Variants in LDB2 observed in about 807,000 individuals in gnomAD.
LDB2 encodes the protein LIM domain binding 2.
LDB2 carries 12 observed loss-of-function variants against 44.3 expected under a neutral mutation model. That is an observed-to-expected ratio of 0.27 (90% CI 0.17 to 0.44). The LOEUF (loss-of-function observed/expected upper bound fraction) is 0.44. LDB2 is among the 20% of genes least tolerant of loss of function. The pLI, the probability that LDB2 is intolerant of heterozygous loss-of-function variation, is 1.00. For missense variants in LDB2, 344 were observed against 473.5 expected (o/e 0.73, Z 2.54); for synonymous variants, 164 against 174.8 (o/e 0.94, Z 0.49).
chr4:16,706,623 G>C (rs1192177798), intron 2 of LDB2, among the ~76,000 whole-genome samples: 2 of 152,200 alleles, frequency 1.3e-5, no homozygotes, highest in African/African-American at 4.8e-5. Flanking sequence ...CAATTCCATA[G>C]ACATCAGAAG....
chr4:16,563,429 ATTTTTTTTTTTTTTTTTTTTTTTT>A (rs1169491759), intron 5 of LDB2, among the ~76,000 whole-genome samples: 1 of 46,534 alleles, frequency 2.1e-5, no homozygotes, highest in African/African-American at 8.7e-5. Context: ...CAGTCATCAG[ATTTTTTTTTTTTTTTTTTTTTTTT>A]TTTTTTTTTT....
At chr4:16,686,628 T>C (rs1353940585) in intron 2 of LDB2, among the ~76,000 whole-genome samples, 1 of 152,202 alleles carries the variant, frequency 6.6e-6, no homozygotes, top group Non-Finnish European at 1.5e-5. Context: ...AGAAGATGAA[T>C]AAGGCAGAGA....
At position 16,550,174 on chromosome 4, in the gene LDB2, T is replaced by C. The variant is rs139915601; in HGVS notation, c.615+35748A>G. ...GGATAGTAATATCTACTTTGAAGGA[T>C]TGTATTTATTCAACCCTCTTCATTC... On this transcript the variant is annotated intron_variant, in intron 5 of 7. Coordinates refer to ENST00000304523, the MANE Select transcript of LDB2 (RefSeq NM_001290.5). Among the ~76,000 whole-genome samples, 451 of 152,356 alleles carry C rather than the reference T, an allele frequency of 3.0e-3. 2 individuals carry two copies. The highest frequency in any genetic ancestry group is 0.01 in the African/African-American group (425 of 41,580).
intron 5 of LDB2, among the ~76,000 whole-genome samples, chr4:16,565,432 A>G (rs567882119): frequency 1.3e-4 from 20 of 151,544 alleles, no homozygotes; most frequent in Non-Finnish European, 2.8e-4. Flanking sequence ...ATAAAATTCG[A>G]CATCCATTTT....
intron 2 of LDB2, among the ~76,000 whole-genome samples, chr4:16,722,158 A>G (rs1758415941): frequency 6.6e-6 from 1 of 152,162 alleles, no homozygotes; most frequent in Admixed American, 6.6e-5. Context: ...CTACTACTTC[A>G]TGAAAGCTTT....
At chr4:16,812,631 ATGTGTGTGTG>A (rs5856389) in intron 1 of LDB2, among the ~76,000 whole-genome samples, 14 of 126,024 alleles carry the variant, frequency 1.1e-4, no homozygotes, top group African/African-American at 4.1e-4. Flanking sequence ...TATTAAATAT[ATGTGTGTGTG>A]TGTGTGTGTG....
intron 1 of LDB2, among the ~76,000 whole-genome samples, chr4:16,869,787 A>T (rs1715915000): frequency 6.6e-6 from 1 of 152,188 alleles, no homozygotes; most frequent in Non-Finnish European, 1.5e-5. Flanking sequence ...GTAGATGTTC[A>T]CTTTACCCAG....
In LDB2 at chr4:16,759,207, G is replaced by A. The variant is rs144018108; in HGVS notation, c.186C>T (p.Asp62=). ...DAFATEFFED[D]ATLTLSFCLE... ...AACAAAATGAAAGGGTTAATGTGGC[G>A]TCATCTTCAAAAAATTCAGTGGCAA... Residue 62 remains aspartate (D), a synonymous_variant, in exon 2 of 8, where the codon GAC becomes GAT. Coordinates refer to ENST00000304523, the MANE Select transcript of LDB2 (RefSeq NM_001290.5). 939 of 1,613,970 alleles carry A rather than the reference G, an allele frequency of 5.8e-4. 4 individuals carry two copies. In the African/African-American group the frequency reaches 8.0e-3, roughly 14 times the overall value.
intron 2 of LDB2, among the ~76,000 whole-genome samples, chr4:16,688,167 A>G (rs574158604): frequency 6.6e-6 from 1 of 152,256 alleles, no homozygotes; most frequent in Non-Finnish European, 1.5e-5. Context: ...TTGTTTTTGC[A>G]ACTACTCTGC....
chr4:16,546,195 T>G (rs1326150078), intron 5 of LDB2, among the ~76,000 whole-genome samples: 1 of 152,186 alleles, frequency 6.6e-6, no homozygotes, highest in Non-Finnish European at 1.5e-5. Flanking sequence ...ACCATTGATA[T>G]TAGTGCAAAC....
chr4:16,735,744 A>G (rs1174867411), intron 2 of LDB2, among the ~76,000 whole-genome samples: 1 of 152,202 alleles, frequency 6.6e-6, no homozygotes, highest in Non-Finnish European at 1.5e-5. Flanking sequence ...AAGTCTAATC[A>G]TAAGAAAAAC....
chr4:16,554,629 G>A lies in LDB2; in HGVS notation c.615+31293C>T, dbSNP rs139159589. 1.4e-3 allele frequency among the ~76,000 whole-genome samples: 212 copies of A among 152,268 alleles called. 1 individual carries two copies. Among genetic ancestry groups the A allele is most frequent in the African/African-American group, 4.7e-3 (196 of 41,550 alleles). ...GAGTGATCAAGCCATGGAAAGACAC[G>A]GAGGAACTGTAAATGCATATTGCTA... On this transcript the variant is annotated intron_variant, in intron 5 of 7. Transcript: ENST00000304523.
At chr4:16,613,637 G>C (rs1040117900) in intron 2 of LDB2, among the ~76,000 whole-genome samples, 1 of 152,044 alleles carries the variant, frequency 6.6e-6, no homozygotes, top group Non-Finnish European at 1.5e-5. Flanking sequence ...GGCATGCAGA[G>C]AGCCAAATCA....
At chr4:16,729,106 A>C (rs951762251) in intron 2 of LDB2, among the ~76,000 whole-genome samples, 3 of 152,208 alleles carry the variant, frequency 2.0e-5, no homozygotes, top group Non-Finnish European at 4.4e-5. Context: ...TACACAGAAA[A>C]AGGCAAGTCT....
intron 1 of LDB2, among the ~76,000 whole-genome samples, chr4:16,890,162 T>G (rs546320281): frequency 1.8e-4 from 28 of 152,282 alleles, no homozygotes; most frequent in South Asian, 8.3e-4. Context: ...GTGGCTCCAG[T>G]CCAGTGAACA....
chr4:16,838,379 C>T (rs1392180587), intron 1 of LDB2, among the ~76,000 whole-genome samples: 2 of 152,154 alleles, frequency 1.3e-5, no homozygotes, highest in African/African-American at 4.8e-5. Flanking sequence ...TATGAGGGCA[C>T]CTTTCACCAT....
intron 5 of LDB2, among the ~76,000 whole-genome samples, chr4:16,578,311 A>C (rs1268243875): frequency 1.3e-5 from 2 of 152,180 alleles, no homozygotes; most frequent in Admixed American, 1.3e-4. Flanking sequence ...CCCATTTGAC[A>C]AGGAATTAAT....
intron 2 of LDB2, among the ~76,000 whole-genome samples, chr4:16,640,984 T>G (rs1578407527): frequency 6.6e-6 from 1 of 152,136 alleles, no homozygotes; most frequent in Non-Finnish European, 1.5e-5. Context: ...CCCATGATGA[T>G]TACCCATTTA....
intron 1 of LDB2, among the ~76,000 whole-genome samples, chr4:16,831,976 A>ACC (rs1784144229): frequency 6.6e-6 from 1 of 152,202 alleles, no homozygotes; most frequent in Non-Finnish European, 1.5e-5. Flanking sequence ...ATCAGGAAAG[A>ACC]TGCCTTTGTA....
Sources: gnomAD v4.1 joint callset for allele counts (sites outside exome capture counted in the v4.1 genomes callset) on GRCh38, gnomAD v4.1.1 for gene constraint, MANE v1.5 for transcripts, NCBI Gene and HGNC (gene_info 2026-07-23, HGNC 2026-07-21) for gene names.